The following FCHO2 variants were observed in gnomAD, a reference collection of about 807,000 sequenced individuals.
FCHO2 encodes FCH and mu domain containing endocytic adaptor 2.
A neutral mutation model predicts 114.1 loss-of-function variants in FCHO2; 43 were observed. That is an observed-to-expected ratio of 0.38 (90% CI 0.30 to 0.49). The LOEUF (loss-of-function observed/expected upper bound fraction) is 0.49, where lower values mean the gene tolerates loss of function less well. Ranked by LOEUF, FCHO2 falls within the 20% of genes least tolerant of loss-of-function variation. The pLI is 0.97. For missense variants in FCHO2, 807 were observed against 950.4 expected, an observed-to-expected ratio of 0.85 and a Z score of 1.98; for synonymous variants, 293 against 315.2, an observed-to-expected ratio of 0.93 and a Z score of 0.75.
At chr5:73,067,685 C>T (rs1382042810) in intron 18 of FCHO2, among the ~76,000 whole-genome samples, 1 of 151,614 alleles carries the variant, frequency 6.6e-6, no homozygotes, top group Non-Finnish European at 1.5e-5. Context: ...AGCTTTGTAT[C>T]TAGTACCTAA....
intron 6 of FCHO2, among the ~76,000 whole-genome samples, chr5:73,012,435 A>G (rs538306584): frequency 6.6e-6 from 1 of 152,120 alleles, no homozygotes; most frequent in South Asian, 2.1e-4. Context: ...ATACTGGCCA[A>G]CGTGGTGAAA....
intron 11 of FCHO2, 137 bp from the exon 12 acceptor site, chr5:73,051,212 G>C: frequency 1.8e-6 from 1 of 565,604 alleles, no homozygotes; most frequent in South Asian, 2.2e-5. Flanking sequence ...TTTTTCTTCG[G>C]TGTTCATCAT....
In FCHO2 at chr5:73,077,415, C is replaced by A. The variant is rs535809531; in HGVS notation, c.1769C>A (p.Thr590Asn). 3.8e-6 allele frequency: 6 copies of A among 1,596,660 alleles called. No homozygotes were observed. In the South Asian group the frequency reaches 6.8e-5, roughly 18 times the overall value. The part of the protein sequence containing the change: ...GIIKVFTSNP[T>N]PAVLCFRVKN... ...ATTAAAGTCTTCACCAGCAATCCAA[C>A]TCCAGCTGTGTTGTGCTTCAGGGTG... Residue 590 changes from threonine (T) to asparagine (N), a missense_variant, in exon 21 of 26, where the codon ACT becomes AAT. Coordinates refer to ENST00000430046, the MANE Select transcript of FCHO2 (RefSeq NM_138782.3).
chr5:73,042,039 T>A (rs1174853346), intron 11 of FCHO2, among the ~76,000 whole-genome samples: 1 of 152,172 alleles, frequency 6.6e-6, no homozygotes, highest in Non-Finnish European at 1.5e-5. Context: ...CATTTTGATC[T>A]TTTACAGCAT....
Position 73,082,758 on chromosome 5 carries a change from C to A in FCHO2, c.2181-3C>A. ...AACCTGAAGATATCTGTTCTTATTG[C>A]AGGAATGCAGAACAAATGAAAGCCT... is the stretch of plus-strand genomic sequence containing the variant. On this transcript the variant is annotated splice_polypyrimidine_tract_variant and splice_region_variant and intron_variant, in intron 23 of 25. Transcript: ENST00000430046. 6.2e-7 allele frequency: 1 copy of A among 1,602,028 alleles called. No individual in the cohort carries two copies. The highest frequency in any genetic ancestry group is 2.2e-5 in the East Asian group (1 of 44,588).
At chr5:73,044,040 CTTG>C (rs995108790) in intron 11 of FCHO2, among the ~76,000 whole-genome samples, 5 of 152,110 alleles carry the variant, frequency 3.3e-5, no homozygotes, top group Non-Finnish European at 2.9e-5. Context: ...TGAGTTCTCA[CTTG>C]TTGTTTGAAA....
intron 2 of FCHO2, among the ~76,000 whole-genome samples, chr5:72,982,393 G>C (rs73098076): frequency 6.6e-6 from 1 of 152,220 alleles, no homozygotes; most frequent in African/African-American, 2.4e-5. Context: ...GGTTTTAAGA[G>C]TTCTTTATAT....
intron 1 of FCHO2, among the ~76,000 whole-genome samples, chr5:72,961,843 G>A (rs563316293): frequency 9.2e-5 from 14 of 152,082 alleles, no homozygotes; most frequent in South Asian, 4.2e-4. Context: ...CGCCTGCCTC[G>A]GCCTCCCAAA....
Position 73,090,093 on chromosome 5 carries a change from C to T in FCHO2, c.*2003C>T, listed in dbSNP as rs1011453194. ...CGTGTTTGTTTTTAATCAAATATTA[C>T]CTAAAAATGTACAAATTAGTGAAAT... On this transcript the variant is annotated 3_prime_UTR_variant, in exon 26 of 26. Transcript: ENST00000430046. 7 of 152,448 alleles carry T rather than the reference C, an allele frequency of 4.6e-5. No homozygotes were observed. Among genetic ancestry groups the T allele is most frequent in the African/African-American group, 1.7e-4 (7 of 41,402 alleles). The allele number at this position is 152,448 out of a possible 1,614,324, so 9.4% of individuals were successfully genotyped here.
intron 24 of FCHO2, among the ~76,000 whole-genome samples, chr5:73,086,054 G>A (rs917853784): frequency 4.2e-4 from 63 of 151,628 alleles, no homozygotes; most frequent in African/African-American, 1.4e-3. Context: ...CCCAGGAGGC[G>A]GAGGTTGCAG....
At chr5:73,002,129 T>G (rs1754476854) in intron 5 of FCHO2, among the ~76,000 whole-genome samples, 1 of 152,132 alleles carries the variant, frequency 6.6e-6, no homozygotes. Context: ...AACAAATAAG[T>G]GCTGAATGTA....
rs375179909 is a variant in FCHO2, at chr5:72,958,287, G to T, written c.33+2158G>T. 4.6e-5 allele frequency among the ~76,000 whole-genome samples: 7 copies of T among 151,080 alleles called. No homozygotes were observed. The South Asian group carries it at 1.5e-3, about 32-fold the overall frequency. On this transcript the variant is annotated intron_variant, in intron 1 of 25. Coordinates refer to ENST00000430046, the MANE Select transcript of FCHO2 (RefSeq NM_138782.3). ...ACCCAAAAATTACGCCTTTTTTCTTGTTTTCTTGTAAGGGTTTTATAGTTT... is the reference window on the plus strand; with the variant it reads ...ACCCAAAAATTACGCCTTTTTTCTTTTTTTCTTGTAAGGGTTTTATAGTTT...
intron 2 of FCHO2, among the ~76,000 whole-genome samples, chr5:72,969,472 G>C (rs1462582656): frequency 1.3e-5 from 2 of 152,182 alleles, no homozygotes; most frequent in Non-Finnish European, 2.9e-5. Flanking sequence ...CAAGTGCTCT[G>C]GGTAAGGCTC....
At chr5:72,996,563 C>G (rs1344309711) in intron 5 of FCHO2, among the ~76,000 whole-genome samples, 4 of 151,398 alleles carry the variant, frequency 2.6e-5, no homozygotes, top group Admixed American at 6.6e-5. Flanking sequence ...TGCTCCCTCC[C>G]CCACTGTCCC....
At chr5:73,041,555 G>A (rs1756804328) in intron 11 of FCHO2, among the ~76,000 whole-genome samples, 1 of 152,004 alleles carries the variant, frequency 6.6e-6, no homozygotes, top group Admixed American at 6.6e-5. Flanking sequence ...TTTAAAATTG[G>A]AGTGGTGCCA....
At chr5:73,030,040 T>C (rs1756148799) in intron 8 of FCHO2, among the ~76,000 whole-genome samples, 1 of 136,032 alleles carries the variant, frequency 7.4e-6, no homozygotes, top group Non-Finnish European at 1.6e-5. Flanking sequence ...TCTTTCTTTC[T>C]TTTTGTTTTT....
chr5:73,085,777 AAAAT>A (rs144379859), intron 24 of FCHO2, among the ~76,000 whole-genome samples: 9,505 of 140,074 alleles, frequency 0.068, 420 homozygotes, highest in African/African-American at 0.11. Context: ...TCTGTCTCAA[AAAAT>A]AAATAAATAA....
At chr5:73,012,405 G>C (rs901489528) in intron 6 of FCHO2, among the ~76,000 whole-genome samples, 2 of 151,976 alleles carry the variant, frequency 1.3e-5, no homozygotes, top group Non-Finnish European at 2.9e-5. Context: ...GGTGGATCAC[G>C]AGGTCAAGAG....
At chr5:72,984,426 G>A (rs1753393733) in intron 2 of FCHO2, among the ~76,000 whole-genome samples, 2 of 152,016 alleles carry the variant, frequency 1.3e-5, no homozygotes, top group African/African-American at 4.8e-5. Context: ...TCCTATTGTT[G>A]TATTTTCTGG....
Sources: allele counts gnomAD v4.1 joint callset (sites outside exome capture counted in the v4.1 genomes callset), GRCh38; gene constraint gnomAD v4.1.1; transcripts MANE v1.5; gene names NCBI Gene and HGNC (gene_info 2026-07-23, HGNC 2026-07-21).